Variants in DPH7 observed in about 807,000 individuals in gnomAD.
The protein encoded by DPH7 is diphthine methyltransferase.
Under a neutral mutation model 41.7 loss-of-function variants are expected in DPH7, and 44 were observed. The observed-to-expected ratio is 1.05, with a 90% CI of 0.83 to 1.36. The LOEUF is 1.36. Among genes scored for constraint, DPH7 ranks in the 40% most tolerant of loss-of-function variants. The pLI is 0.00. For missense variants in DPH7, 629 were observed against 577.5 expected, an observed-to-expected ratio of 1.09 and a Z score of -0.91; for synonymous variants, 275 against 238.0, an observed-to-expected ratio of 1.16 and a Z score of -1.43.
chr9:137,575,008 T>C (rs1231537487), intron 3 of DPH7, 165 bp from the exon 4 acceptor site: 48 of 1,419,334 alleles, frequency 3.4e-5, no homozygotes, highest in Non-Finnish European at 4.3e-5. Flanking sequence ...AAACCCCTGC[T>C]AGGGGCCCCG....
rs573862056 is a variant in DPH7, at chr9:137,577,403, G to A, written c.287+67C>T. On this transcript the variant is annotated intron_variant, in intron 2 of 8. Coordinates refer to ENST00000277540, the MANE Select transcript of DPH7 (RefSeq NM_138778.5). ...AATGCCTGTCTTGTTGAAGGCATCAGGCATCAGGCTTCCCTGATTGCTACT... is the reference window on the plus strand; with the variant it reads ...AATGCCTGTCTTGTTGAAGGCATCAAGCATCAGGCTTCCCTGATTGCTACT... The A allele has an allele frequency of 3.3e-6, 5 of 1,503,612 alleles. No homozygotes were observed. The South Asian group carries it at 5.9e-5, about 18-fold the overall frequency. The allele number at this position is 1,503,612 out of a possible 1,614,324, so 93.1% of individuals were successfully genotyped here. A position where few individuals can be genotyped will look rare whatever the true frequency, so the allele number is the denominator to read the frequency against.
chr9:137,575,414 T>C (rs1053070899), intron 3 of DPH7: 49 of 988,794 alleles, frequency 5.0e-5, no homozygotes, highest in Non-Finnish European at 5.6e-5. Context: ...CCTGGGTTCA[T>C]GCACTCCTCC....
chr9:137,577,444 A>T (rs1841605655), intron 2 of DPH7, 26 bp downstream of exon 2: 1 of 1,608,522 alleles, frequency 6.2e-7, no homozygotes, highest in African/African-American at 1.3e-5. Context: ...CAAATTCTAC[A>T]CCCAGTGGGA....
chr9:137,578,890 G>C lies in DPH7; in HGVS notation c.-113C>G, dbSNP rs1040745840. 1.7e-5 allele frequency: 19 copies of C among 1,149,148 alleles called. No individual in the cohort carries two copies. The highest frequency in any genetic ancestry group is 1.8e-5 in the Non-Finnish European group (16 of 897,430). 71.2% of individuals were successfully genotyped at this position (1,149,148 alleles called of 1,614,324 possible). Reference sequence around the variant, plus strand: ...CCGGCCGGACGAGCGCAGAGCCCCAGGGACACCGTCAGCGCGGGCCGCCTC... The same window carrying C: ...CCGGCCGGACGAGCGCAGAGCCCCACGGACACCGTCAGCGCGGGCCGCCTC... On this transcript the variant is annotated 5_prime_UTR_variant, in exon 1 of 9. Transcript: ENST00000277540.
Position 137,555,343 on chromosome 9 carries a change from C to T in DPH7, c.1255G>A (p.Asp419Asn). Reference protein sequence around the residue: ...WLQATAATTRDCGVNPEEADS... With the variant: ...WLQATAATTRNCGVNPEEADS... ...GCTTCTTCTGGGTTCACGCCACAGT[C>T]ACGTGTGGTGGCTGCTGTAGCCTGC... The change falls in exon 9 of 9, where the codon GAC becomes AAC. Residue 419 changes from aspartate to asparagine, a missense_variant. Asp to Asn is a conservative substitution (Grantham distance 23). Transcript: ENST00000277540. 6.2e-7 allele frequency: 1 copy of T among 1,614,202 alleles called. No homozygotes were observed. Among genetic ancestry groups the T allele is most frequent in the Non-Finnish European group, 8.5e-7 (1 of 1,180,030 alleles).
chr9:137,578,059 T>A, intron 1 of DPH7: 1 of 926,526 alleles, frequency 1.1e-6, no homozygotes, highest in Non-Finnish European at 1.3e-6. Context: ...GGCTCGTGCC[T>A]GTGGTGCCAG....
rs929286347 is a variant in DPH7, at chr9:137,555,160, T to G, written c.*79A>C. ...CACCTGCAGGGCTGCAGTAAGCATC[T>G]CTGATGAGGTGGTCCCGGGCACTCA... On this transcript the variant is annotated 3_prime_UTR_variant, in exon 9 of 9. Coordinates refer to ENST00000277540, the MANE Select transcript of DPH7 (RefSeq NM_138778.5). 1 of 1,490,182 alleles carries G rather than the reference T, an allele frequency of 6.7e-7. No homozygotes were observed. Among genetic ancestry groups the G allele is most frequent in the African/African-American group, 1.4e-5 (1 of 71,382 alleles). The allele number at this position is 1,490,182 out of a possible 1,614,324, so 92.3% of individuals were successfully genotyped here.
chr9:137,557,398 C>T (rs757680294), intron 8 of DPH7, among the ~76,000 whole-genome samples: 2 of 151,952 alleles, frequency 1.3e-5, no homozygotes, highest in Admixed American at 6.6e-5. Context: ...ACCAGCTACT[C>T]GGGAGGCTGA....
In DPH7 at chr9:137,555,313, A is replaced by C. The variant is rs1240208468; in HGVS notation, c.1285T>G (p.Ser429Ala). The change falls in exon 9 of 9, where the codon TCA (serine) becomes GCA (alanine). Residue 429 changes from serine (S) to alanine (A), a missense_variant. Coordinates refer to ENST00000277540, the MANE Select transcript of DPH7 (RefSeq NM_138778.5). ...CAGGTGGCCAGGAGGCTGAAGGCTG[A>C]GTCTGCTTCTTCTGGGTTCACGCCA... is the stretch of plus-strand genomic sequence containing the variant. ...DCGVNPEEADSAFSLLATCSF... is the reference protein window; with the variant it reads ...DCGVNPEEADAAFSLLATCSF... 1 of 1,613,412 alleles carries C rather than the reference A, an allele frequency of 6.2e-7. No homozygotes were observed. Among genetic ancestry groups the C allele is most frequent in the South Asian group, 1.1e-5 (1 of 90,980 alleles).
intron 5 of DPH7, among the ~76,000 whole-genome samples, 172 bp downstream of exon 5, chr9:137,574,036 A>G (rs1840946591): frequency 6.6e-6 from 1 of 152,198 alleles, no homozygotes; most frequent in South Asian, 2.1e-4. Flanking sequence ...ACTGCACTCT[A>G]GCCTGGCAAA....
intron 4 of DPH7, 127 bp from the exon 5 acceptor site, chr9:137,574,507 G>A: frequency 9.7e-7 from 1 of 1,036,232 alleles, no homozygotes; most frequent in East Asian, 2.5e-5. Flanking sequence ...TAAGAGACTG[G>A]CGGCTAAGAT....
intron 4 of DPH7, 77 bp downstream of exon 4, chr9:137,574,675 C>A (rs1167945071): frequency 1.4e-5 from 19 of 1,403,708 alleles, no homozygotes; most frequent in Non-Finnish European, 1.8e-5. Flanking sequence ...CTGAAGGTGG[C>A]TGGAGCCCTC....
chr9:137,564,834 G>A (rs1017771787), intron 7 of DPH7, 59 bp downstream of exon 7: 4 of 1,546,084 alleles, frequency 2.6e-6, no homozygotes, highest in Non-Finnish European at 3.5e-6. Flanking sequence ...AAGGGCCCAG[G>A]AGCCCCCCGG....
chr9:137,555,345 C>T lies in DPH7; in HGVS notation c.1253G>A (p.Arg418His), dbSNP rs901654657. The T allele has an allele frequency of 1.5e-5, 25 of 1,614,076 alleles. No homozygotes were observed. The highest frequency in any genetic ancestry group is 5.5e-5 in the South Asian group (5 of 91,084). The change falls in exon 9 of 9, where the codon CGT (arginine) becomes CAT (histidine). Residue 418 changes from arginine to histidine, a missense_variant. Transcript: ENST00000277540. Reference protein sequence around the residue: ...TWLQATAATTRDCGVNPEEAD... With the variant: ...TWLQATAATTHDCGVNPEEAD... Reference sequence around the variant, plus strand: ...TTCTTCTGGGTTCACGCCACAGTCACGTGTGGTGGCTGCTGTAGCCTGCAG... The same window carrying T: ...TTCTTCTGGGTTCACGCCACAGTCATGTGTGGTGGCTGCTGTAGCCTGCAG...
rs193920785 is a variant in DPH7 at position 137,564,451 on chromosome 9, T to C, written c.932A>G (p.Asn311Ser). The change falls in exon 8 of 9, where the codon AAC (asparagine) becomes AGC (serine). Residue 311 changes from asparagine (N) to serine (S), a missense_variant. Physicochemically the swap from Asn to Ser is conservative, Grantham distance 46. Coordinates refer to ENST00000277540, the MANE Select transcript of DPH7 (RefSeq NM_138778.5). Reference protein sequence around the residue: ...ACMHSGFKILNCQKAMEERQE... With the variant: ...ACMHSGFKILSCQKAMEERQE... ...CCACTCACCCATTGCCTTTTGGCAG[T>C]TGAGGATCTTAAAGCCACTGTGCAT... 50 of 1,613,570 alleles carry C rather than the reference T, an allele frequency of 3.1e-5. No homozygotes were observed. The highest frequency in any genetic ancestry group is 3.6e-5 in the Non-Finnish European group (43 of 1,179,736).
At chr9:137,571,680 C>T (rs1266265739) in intron 5 of DPH7, among the ~76,000 whole-genome samples, 1 of 151,854 alleles carries the variant, frequency 6.6e-6, no homozygotes, top group Non-Finnish European at 1.5e-5. Flanking sequence ...CCCAATTACT[C>T]AGGAGGCTGA....
chr9:137,561,029 A>AG (rs1838470499), intron 8 of DPH7, among the ~76,000 whole-genome samples: 2 of 148,060 alleles, frequency 1.4e-5, no homozygotes, highest in Non-Finnish European at 3.0e-5. Context: ...CTCAAAAAAA[A>AG]AAAAAAAAAA....
intron 4 of DPH7, 45 bp from the exon 5 acceptor site, chr9:137,574,425 G>A (rs201318892): frequency 2.8e-5 from 44 of 1,596,460 alleles, no homozygotes; most frequent in Admixed American, 2.5e-4. Flanking sequence ...AATGTTATTC[G>A]TCAGCCTCTT....
chr9:137,558,298 G>GAGGC (rs1340419376), intron 8 of DPH7, among the ~76,000 whole-genome samples: 2 of 152,204 alleles, frequency 1.3e-5, no homozygotes, highest in Non-Finnish European at 2.9e-5. Context: ...GGACTGAGTT[G>GAGGC]AGGCAGGAGG....
Sources: gnomAD v4.1 joint callset for allele counts (sites outside exome capture counted in the v4.1 genomes callset) on GRCh38, gnomAD v4.1.1 for gene constraint, MANE v1.5 for transcripts, NCBI Gene and HGNC (gene_info 2026-07-23, HGNC 2026-07-21) for gene names.